The following FOXN3 variants were observed in gnomAD, a reference collection of about 807,000 sequenced individuals.
FOXN3 encodes forkhead box protein N3.
A neutral mutation model predicts 38.4 loss-of-function variants in FOXN3; 7 were observed. The observed-to-expected ratio is 0.18, with a 90% CI of 0.10 to 0.34. The LOEUF (loss-of-function observed/expected upper bound fraction) is 0.34. Ranked by LOEUF, FOXN3 falls within the 10% of genes least tolerant of loss-of-function variation. The pLI, the probability that FOXN3 is intolerant of heterozygous loss-of-function variation, is 1.00. For missense variants in FOXN3, 456 were observed against 613.4 expected, an observed-to-expected ratio of 0.74 and a Z score of 2.71; for synonymous variants, 230 against 242.2, an observed-to-expected ratio of 0.95 and a Z score of 0.47.
chr14:89,458,030 CAA>C (rs11445763), intron 1 of FOXN3, among the ~76,000 whole-genome samples: 24 of 53,512 alleles, frequency 4.5e-4, no homozygotes, highest in Non-Finnish European at 5.3e-4. Context: ...AACTCCATCT[CAA>C]AAAAAAAAAA....
chr14:89,203,580 G>A (rs1258491504), intron 4 of FOXN3, among the ~76,000 whole-genome samples: 1 of 152,192 alleles, frequency 6.6e-6, no homozygotes, highest in African/African-American at 2.4e-5. Context: ...CTGCCCCACT[G>A]GAGTCATGCG....
chr14:89,561,491 C>T (rs1967065), intron 1 of FOXN3, among the ~76,000 whole-genome samples: 8 of 152,174 alleles, frequency 5.3e-5, no homozygotes, highest in Admixed American at 1.3e-4. Flanking sequence ...GGATTACAGG[C>T]GTGAGCCACC....
chr14:89,188,328 C>T (rs1454557300), intron 4 of FOXN3, among the ~76,000 whole-genome samples: 1 of 152,016 alleles, frequency 6.6e-6, no homozygotes, highest in African/African-American at 2.4e-5. Flanking sequence ...TCAGGAGAAG[C>T]CTTTTTCCTT....
intron 1 of FOXN3, among the ~76,000 whole-genome samples, chr14:89,596,740 C>T (rs1896062478): frequency 1.3e-5 from 2 of 152,202 alleles, no homozygotes; most frequent in Non-Finnish European, 2.9e-5. Context: ...TTTCTTACAG[C>T]AGTTTCAGTA....
intron 2 of FOXN3, among the ~76,000 whole-genome samples, chr14:89,353,205 G>A (rs1889050311): frequency 6.6e-6 from 1 of 152,052 alleles, no homozygotes; most frequent in Non-Finnish European, 1.5e-5. Flanking sequence ...GTAAAACAGT[G>A]ACCCACTTAG....
chr14:89,242,922 G>C (rs1039471794), intron 4 of FOXN3, among the ~76,000 whole-genome samples: 1 of 152,214 alleles, frequency 6.6e-6, no homozygotes, highest in African/African-American at 2.4e-5. Context: ...TGGTGACACA[G>C]TCCATTAATC....
At chr14:89,282,660 T>C (rs1886499609) in intron 3 of FOXN3, among the ~76,000 whole-genome samples, 1 of 152,198 alleles carries the variant, frequency 6.6e-6, no homozygotes, top group Non-Finnish European at 1.5e-5. Flanking sequence ...ATAAAGATAT[T>C]TTAAAACTGA....
chr14:89,180,912 G>C, intron 4 of FOXN3, 106 bp from the exon 5 acceptor site: 1 of 288,884 alleles, frequency 3.5e-6, no homozygotes, highest in Non-Finnish European at 6.0e-6. Context: ...GAGAGAGACA[G>C]AGGGCAGAGA....
intron 1 of FOXN3, among the ~76,000 whole-genome samples, chr14:89,467,170 C>T (rs1892987617): frequency 6.6e-6 from 1 of 152,194 alleles, no homozygotes. Flanking sequence ...GACTCAGACA[C>T]AGCTCTCTGC....
intron 4 of FOXN3, among the ~76,000 whole-genome samples, chr14:89,182,869 G>T (rs990065123): frequency 6.6e-6 from 1 of 152,194 alleles, no homozygotes; most frequent in African/African-American, 2.4e-5. Flanking sequence ...GATAATGCAA[G>T]GAGGGGAAAG....
At chr14:89,527,725 A>G (rs1352957764) in intron 1 of FOXN3, among the ~76,000 whole-genome samples, 1 of 139,596 alleles carries the variant, frequency 7.2e-6, no homozygotes, top group Non-Finnish European at 1.5e-5. Context: ...TTTTTGATAC[A>G]GAGTCTGGCT....
chr14:89,494,224 T>C (rs907963967), intron 1 of FOXN3: 1 of 152,218 alleles, frequency 6.6e-6, no homozygotes, highest in Non-Finnish European at 1.5e-5. Flanking sequence ...GTCTGAAACA[T>C]GTACGTAGCT....
chr14:89,559,512 C>T (rs1192454757), intron 1 of FOXN3, among the ~76,000 whole-genome samples: 2 of 148,526 alleles, frequency 1.3e-5, no homozygotes, highest in African/African-American at 5.3e-5. Flanking sequence ...CCCATCTCTA[C>T]TCAAAATACA....
chr14:89,451,887 C>G (rs7147927), intron 1 of FOXN3, among the ~76,000 whole-genome samples: 79,242 of 151,788 alleles, frequency 0.52, 20,993 homozygotes, highest in African/African-American at 0.61. Context: ...GGAATCATAC[C>G]GACCCCAGAG....
chr14:89,177,296 C>A (rs1470437623), intron 5 of FOXN3, among the ~76,000 whole-genome samples: 1 of 152,154 alleles, frequency 6.6e-6, no homozygotes, highest in Non-Finnish European at 1.5e-5. Flanking sequence ...CAGGTGTGAG[C>A]CATCGTGCCC....
intron 3 of FOXN3, among the ~76,000 whole-genome samples, chr14:89,340,609 G>A (rs1347629989): frequency 1.3e-5 from 2 of 152,144 alleles, no homozygotes. Context: ...CCAAGAACAT[G>A]TGCTTCCACA....
Position 89,212,686 on chromosome 14 carries a change from T to A in FOXN3, c.746-31880A>T, listed in dbSNP as rs149234892. Among the ~76,000 whole-genome samples, 227 of 152,342 alleles carry A rather than the reference T, an allele frequency of 1.5e-3. 2 individuals carry two copies. Among genetic ancestry groups the A allele is most frequent in the African/African-American group, 5.1e-3 (210 of 41,570 alleles). On this transcript the variant is annotated intron_variant, in intron 4 of 5. Coordinates refer to ENST00000557258, the MANE Select transcript of FOXN3 (RefSeq NM_005197.4). ...CCTCCTTTGGCCCTTCCAACAATTT[T>A]GTAAATACTTAATTCTTTGTATTGC...
At chr14:89,588,417 T>C (rs1404246295) in intron 1 of FOXN3, among the ~76,000 whole-genome samples, 2 of 152,254 alleles carry the variant, frequency 1.3e-5, no homozygotes, top group African/African-American at 2.4e-5. Context: ...TTGGGTAAAG[T>C]AAAAATTCAG....
chr14:89,258,202 G>A (rs72629388), intron 4 of FOXN3, among the ~76,000 whole-genome samples: 28,834 of 152,040 alleles, frequency 0.19, 2,771 homozygotes, highest in East Asian at 0.31. Flanking sequence ...GGAGGAGGCT[G>A]AGCCAAGTGA....
Sources: gnomAD v4.1 joint callset for allele counts (sites outside exome capture counted in the v4.1 genomes callset) on GRCh38, gnomAD v4.1.1 for gene constraint, MANE v1.5 for transcripts, NCBI Gene and HGNC (gene_info 2026-07-23, HGNC 2026-07-21) for gene names.